The following SPPL3 variants were observed in gnomAD, a reference collection of about 807,000 sequenced individuals.
SPPL3 encodes the protein signal peptide peptidase like 3.
SPPL3 carries 5 observed loss-of-function variants against 42.4 expected under a neutral mutation model. That is an observed-to-expected ratio of 0.12 (90% CI 0.06 to 0.25). The LOEUF is 0.25. Ranked by LOEUF, SPPL3 falls within the 10% of genes least tolerant of loss-of-function variation. The pLI is 1.00. For synonymous variants in SPPL3, 195 were observed against 181.8 expected (o/e 1.07, Z -0.58); for missense variants, 235 against 489.0 (o/e 0.48, Z 4.90).
chr12:120,791,623 T>A, intron 2 of SPPL3, 66 bp from the exon 3 acceptor site: 1 of 1,053,704 alleles, frequency 9.5e-7, no homozygotes, highest in Non-Finnish European at 1.4e-6. Flanking sequence ...AAAAGTCATA[T>A]GACAATATTT....
intron 1 of SPPL3, among the ~76,000 whole-genome samples, chr12:120,848,559 C>T (rs887356329): frequency 1.4e-4 from 22 of 152,178 alleles, no homozygotes; most frequent in African/African-American, 4.8e-4. Context: ...AAGTGCTAGT[C>T]TATCTAACAA....
At position 120,850,866 on chromosome 12, in the gene SPPL3, C is replaced by A. The variant is rs565992620; in HGVS notation, c.24-39980G>T. Among the ~76,000 whole-genome samples, 148 of 152,322 alleles carry A rather than the reference C, an allele frequency of 9.7e-4. 5 individuals carry two copies. Among genetic ancestry groups the A allele is most frequent in the Non-Finnish European group, 1.0e-4 (7 of 68,040 alleles). On this transcript the variant is annotated intron_variant, in intron 1 of 10. Transcript: ENST00000353487. Reference sequence around the variant, plus strand: ...GATCACTACAACCTCTTGTTTCCATCGTCAAATCTGCTACCACTCACTCTG... The same window carrying A: ...GATCACTACAACCTCTTGTTTCCATAGTCAAATCTGCTACCACTCACTCTG...
chr12:120,855,895 C>T (rs553842804), intron 1 of SPPL3, among the ~76,000 whole-genome samples: 25 of 152,264 alleles, frequency 1.6e-4, no homozygotes, highest in South Asian at 1.2e-3. Flanking sequence ...CATGAACATG[C>T]TTTCTGGAAT....
chr12:120,772,844 T>G (rs1407567345), intron 6 of SPPL3, among the ~76,000 whole-genome samples: 1 of 152,196 alleles, frequency 6.6e-6, no homozygotes, highest in Non-Finnish European at 1.5e-5. Flanking sequence ...TCATCTCCAC[T>G]ATCATCACTG....
In SPPL3 at chr12:120,810,895, A is replaced by T. The variant is rs768178019; in HGVS notation, c.24-9T>A. 6.2e-7 allele frequency: 1 copy of T among 1,608,796 alleles called. No individual in the cohort carries two copies. The highest frequency in any genetic ancestry group is 8.5e-7 in the Non-Finnish European group (1 of 1,175,462). On this transcript the variant is annotated splice_polypyrimidine_tract_variant and intron_variant, in intron 1 of 10. Transcript: ENST00000353487. ...CCACCAGGGAATAGGCCCTAGAGAA[A>T]TAAGAGGAAAAAAATTTAAATCACA...
At chr12:120,826,171 T>TA (rs1233461838) in intron 1 of SPPL3, among the ~76,000 whole-genome samples, 1 of 151,560 alleles carries the variant, frequency 6.6e-6, no homozygotes, top group Admixed American at 6.6e-5. Flanking sequence ...CACATGTCTG[T>TA]AATCCCCGCT....
At chr12:120,782,807 T>G in intron 5 of SPPL3, 40 bp from the exon 6 acceptor site, 1 of 1,436,158 alleles carries the variant, frequency 7.0e-7, no homozygotes, top group Non-Finnish European at 9.6e-7. Context: ...TGGGCACACT[T>G]TATTCAGTAA....
chr12:120,765,130 G>T, intron 10 of SPPL3, 60 bp from the exon 11 acceptor site: 2 of 1,528,458 alleles, frequency 1.3e-6, no homozygotes, highest in Non-Finnish European at 1.8e-6. Context: ...ACAGCTGTCT[G>T]ATTCTTTAAA....
chr12:120,785,229 C>A (rs1168350211), intron 3 of SPPL3, among the ~76,000 whole-genome samples: 4 of 151,496 alleles, frequency 2.6e-5, no homozygotes, highest in Non-Finnish European at 4.4e-5. Flanking sequence ...CACAGCGAGA[C>A]CCCCGTTTCT....
At chr12:120,779,756 C>T (rs1400058079) in intron 6 of SPPL3, among the ~76,000 whole-genome samples, 1 of 143,010 alleles carries the variant, frequency 7.0e-6, no homozygotes, top group Non-Finnish European at 1.5e-5. Context: ...GGGTGGATCA[C>T]CTGAGGTCAG....
At chr12:120,903,706 A>G (rs1874056973) in intron 1 of SPPL3, 139 bp downstream of exon 1, 1 of 715,312 alleles carries the variant, frequency 1.4e-6, no homozygotes, top group Non-Finnish European at 2.1e-6. Flanking sequence ...CCGGTGGGGA[A>G]GAGGGGGGCG....
chr12:120,809,485 C>A (rs368360458), intron 2 of SPPL3, among the ~76,000 whole-genome samples: 1 of 152,324 alleles, frequency 6.6e-6, no homozygotes, highest in South Asian at 2.1e-4. Flanking sequence ...AGATATAACA[C>A]TGCATAGTTA....
chr12:120,867,463 G>A (rs1258373856), intron 1 of SPPL3, among the ~76,000 whole-genome samples: 3 of 152,050 alleles, frequency 2.0e-5, no homozygotes, highest in East Asian at 1.9e-4. Context: ...TCAGGAGATC[G>A]AGACCATCCT....
chr12:120,823,274 C>T (rs1051286543), intron 1 of SPPL3, among the ~76,000 whole-genome samples: 3 of 151,890 alleles, frequency 2.0e-5, no homozygotes, highest in Non-Finnish European at 2.9e-5. Flanking sequence ...GAAGAAAGGC[C>T]AGTTCACATA....
intron 1 of SPPL3, among the ~76,000 whole-genome samples, chr12:120,891,374 A>G (rs2137066109): frequency 6.6e-6 from 1 of 152,278 alleles, no homozygotes; most frequent in Middle Eastern, 3.4e-3. Flanking sequence ...AGATTGAGGC[A>G]CTGCTATATC....
intron 1 of SPPL3, among the ~76,000 whole-genome samples, chr12:120,878,981 C>T (rs936391660): frequency 1.3e-4 from 20 of 151,228 alleles, no homozygotes; most frequent in Admixed American, 1.1e-3. Flanking sequence ...GGTGTGGTGG[C>T]GGGCGCCTGT....
At chr12:120,808,086 C>CT (rs63135760) in intron 2 of SPPL3, among the ~76,000 whole-genome samples, 1,336 of 132,718 alleles carry the variant, frequency 0.01, 9 homozygotes, top group Middle Eastern at 0.053. Flanking sequence ...AGTTTCTTTT[C>CT]TTTTTTTTTT....
intron 1 of SPPL3, chr12:120,901,987 A>C: frequency 1.1e-6 from 1 of 952,190 alleles, no homozygotes; most frequent in Non-Finnish European, 1.3e-6. Context: ...AGCCATTAGG[A>C]CTCTCAGGGC....
In SPPL3 at chr12:120,835,452, C is replaced by G. The variant is rs144696084; in HGVS notation, c.24-24566G>C. 3.4e-3 allele frequency: 513 copies of G among 152,290 alleles called. 2 individuals carry two copies. Among genetic ancestry groups the G allele is most frequent in the African/African-American group, 0.012 (497 of 41,550 alleles). The allele number at this position is 152,290 out of a possible 1,614,324, so 9.4% of individuals were successfully genotyped here. ...TGTTATACATACAGTTATAGATGATCAAGAATTCTGACGATGAAGTCTAAG... is the reference window on the plus strand; with the variant it reads ...TGTTATACATACAGTTATAGATGATGAAGAATTCTGACGATGAAGTCTAAG... On this transcript the variant is annotated intron_variant, in intron 1 of 10. Coordinates refer to ENST00000353487, the MANE Select transcript of SPPL3 (RefSeq NM_139015.5).
Sources: gnomAD v4.1 joint callset for allele counts (sites outside exome capture counted in the v4.1 genomes callset) on GRCh38, gnomAD v4.1.1 for gene constraint, MANE v1.5 for transcripts, NCBI Gene and HGNC (gene_info 2026-07-23, HGNC 2026-07-21) for gene names.